The following TTLL10 variants were observed in gnomAD, a reference collection of about 807,000 sequenced individuals.
TTLL10 encodes tubulin tyrosine ligase like 10, also known as inactive polyglycylase TTLL10.
Under a neutral mutation model 69.0 loss-of-function variants are expected in TTLL10, and 61 were observed. The ratio of observed to expected loss-of-function variants is 0.88; its 90% CI spans 0.72 to 1.09. The LOEUF (loss-of-function observed/expected upper bound fraction) is 1.09, where lower values mean the gene tolerates loss of function less well. Ranked by LOEUF, TTLL10 falls within the 50% of genes least tolerant of loss-of-function variation. The pLI, the probability that TTLL10 is intolerant of heterozygous loss-of-function variation, is 0.00. For synonymous variants in TTLL10, 408 were observed against 393.3 expected (o/e 1.04, Z -0.44); for missense variants, 962 against 945.9 (o/e 1.02, Z -0.22).
chr1:1,179,468 C>T, intron 4 of TTLL10, 135 bp downstream of exon 4: 1 of 1,243,046 alleles, frequency 8.0e-7, no homozygotes, highest in Non-Finnish European at 1.1e-6. Context: ...TGCCCCGCTG[C>T]TCCGAGAGAG....
rs773603858 is a variant in TTLL10 at position 1,180,586 on chromosome 1, G to A, written c.610G>A (p.Gly204Ser). The part of the protein sequence containing the change: ...WCEVKSRDSY[G>S]SFREGEQLLY... ...TGAGGTCAAGAGCCGAGACAGCTAC[G>A]GCAGCTTCCGGGAAGGTAGCGGGAG... The change falls in exon 7 of 16, where the codon GGC becomes AGC. Residue 204 changes from glycine (G) to serine (S), a missense_variant. Coordinates refer to ENST00000379289, the MANE Select transcript of TTLL10 (RefSeq NM_001130045.2). The A allele has an allele frequency of 8.4e-6, 13 of 1,551,442 alleles. No individual in the cohort carries two copies. Among genetic ancestry groups the A allele is most frequent in the Admixed American group, 2.0e-5 (1 of 51,084 alleles).
At chr1:1,179,883 C>T (rs1015565848) in intron 5 of TTLL10, 146 bp downstream of exon 5, 19 of 1,438,994 alleles carry the variant, frequency 1.3e-5, no homozygotes, top group Non-Finnish European at 1.4e-5. Context: ...CCTGGTGGGG[C>T]CAGAGCTCGG....
intron 15 of TTLL10, 73 bp from the exon 16 acceptor site, chr1:1,197,365 C>G (rs1648295988): frequency 1.3e-6 from 1 of 796,724 alleles, no homozygotes; most frequent in African/African-American, 1.8e-5. Context: ...GGGTCCCACC[C>G]CTCACACCCT....
chr1:1,189,538 T>A (rs1204972856), intron 13 of TTLL10, among the ~76,000 whole-genome samples: 1 of 152,222 alleles, frequency 6.6e-6, no homozygotes, highest in Admixed American at 6.5e-5. Flanking sequence ...TTATAAGCAA[T>A]ACTGGTCTGT....
rs781004642 is a variant in TTLL10, at chr1:1,183,012, G to A, written c.1053G>A (p.Thr351=). 35 of 1,609,386 alleles carry A rather than the reference G, an allele frequency of 2.2e-5. No homozygotes were observed. The highest frequency in any genetic ancestry group is 8.9e-5 in the East Asian group (4 of 44,724). The stretch of plus-strand genomic sequence containing the variant: ...AGGACGACCCCATCCACCACAAGAC[G>A]CCGTTCCGGGGGCCTCAGGCGCGGG... ...SMEDDPIHHK[T]PFRGPQARVV... Residue 351 remains threonine, a synonymous_variant, in exon 11 of 16, where the codon ACG becomes ACA. Coordinates refer to ENST00000379289, the MANE Select transcript of TTLL10 (RefSeq NM_001130045.2).
Position 1,185,202 on chromosome 1 carries a change from C to A in TTLL10, c.1401+93C>A. 6.5e-7 allele frequency: 1 copy of A among 1,547,112 alleles called. No individual in the cohort carries two copies. Among genetic ancestry groups the A allele is most frequent in the South Asian group, 1.2e-5 (1 of 82,322 alleles). On this transcript the variant is annotated intron_variant, in intron 13 of 15. Coordinates refer to ENST00000379289, the MANE Select transcript of TTLL10 (RefSeq NM_001130045.2). The surrounding 1 kb of genome is among the most constrained non-coding windows in gnomAD (Gnocchi z 6.1). ...GCACCAGGCACACAGATGTCCGTGG[C>A]GTGCGTGGGCGGCTGCGCTGAAGTG...
At chr1:1,183,865 G>A in intron 11 of TTLL10, 55 bp from the exon 12 acceptor site, 1 of 1,605,600 alleles carries the variant, frequency 6.2e-7, no homozygotes, top group Non-Finnish European at 8.5e-7. Context: ...GTGAGGGGAT[G>A]CAGGCCAGGC....
Position 1,179,325 on chromosome 1 carries a change from G to A in TTLL10, c.110G>A (p.Arg37Gln), listed in dbSNP as rs1360855275. The change falls in exon 4 of 16, where the codon CGA becomes CAA. Residue 37 changes from arginine to glutamine, a missense_variant. By Grantham distance (43) the Arg-to-Gln change is conservative. Coordinates refer to ENST00000379289, the MANE Select transcript of TTLL10 (RefSeq NM_001130045.2). The stretch of plus-strand genomic sequence containing the variant: ...AGGATCCAGCAGAGGCCTCGGGCTC[G>A]AGTCTCAGGTGAATAGAGCAGCCCT... ...RPRIQQRPRA[R>Q]VSGTIPASRL... The A allele has an allele frequency of 1.7e-5, 27 of 1,551,070 alleles. No individual in the cohort carries two copies. The highest frequency in any genetic ancestry group is 9.6e-5 in the African/African-American group (7 of 73,056).
rs748777928 is a variant in TTLL10, at chr1:1,183,054, C to G, written c.1088+7C>G. ...AGGCGCGGGTGGTGCAGAGGTGCGG[C>G]GGCGGGTGCCCGGAGGGGTGAGGGT... On this transcript the variant is annotated splice_region_variant and intron_variant, in intron 11 of 15. Coordinates refer to ENST00000379289, the MANE Select transcript of TTLL10 (RefSeq NM_001130045.2). 3 of 1,589,104 alleles carry G rather than the reference C, an allele frequency of 1.9e-6. No homozygotes were observed. The highest frequency in any genetic ancestry group is 2.7e-5 in the African/African-American group (2 of 74,082).
intron 11 of TTLL10, 98 bp from the exon 12 acceptor site, chr1:1,183,822 C>T (rs1163646794): frequency 2.8e-5 from 41 of 1,478,296 alleles, no homozygotes; most frequent in Middle Eastern, 1.8e-4. Context: ...AGAGGCGGGG[C>T]GCTGAGGAAA....
chr1:1,196,726 T>A lies in TTLL10; in HGVS notation c.1518+10T>A. 1 of 1,536,436 alleles carries A rather than the reference T, an allele frequency of 6.5e-7. No individual in the cohort carries two copies. The highest frequency in any genetic ancestry group is 8.8e-7 in the Non-Finnish European group (1 of 1,132,846). ...TGATGACAACTTCAAGGTGCTGTCC[T>A]GGGCGGCGGGGGGCACAGTAGACAG... is the stretch of plus-strand genomic sequence containing the variant. On this transcript the variant is annotated intron_variant, in intron 14 of 15. Coordinates refer to ENST00000379289, the MANE Select transcript of TTLL10 (RefSeq NM_001130045.2).
Position 1,197,509 on chromosome 1 carries a change from T to G in TTLL10, c.1684T>G (p.Phe562Val). The change falls in exon 16 of 16, where the codon TTC becomes GTC. Residue 562 changes from phenylalanine (F) to valine (V), a missense_variant. Coordinates refer to ENST00000379289, the MANE Select transcript of TTLL10 (RefSeq NM_001130045.2). The part of the protein sequence containing the change: ...KMLPLLSQRR[F>V]VLLHNGEADP... ...GTTGCCTCTGCTGTCCCAGCGCCGC[T>G]TCGTGCTCCTGCACAACGGTGAGGC... The G allele has an allele frequency of 6.5e-7, 1 of 1,541,570 alleles. No individual in the cohort carries two copies. The highest frequency in any genetic ancestry group is 8.7e-7 in the Non-Finnish European group (1 of 1,145,184).
intron 3 of TTLL10, among the ~76,000 whole-genome samples, chr1:1,177,850 G>A (rs1646922899): frequency 6.6e-6 from 1 of 152,214 alleles, no homozygotes; most frequent in Non-Finnish European, 1.5e-5. Context: ...CCTGTTCTGG[G>A]TGGGGAGGGG....
intron 13 of TTLL10, among the ~76,000 whole-genome samples, chr1:1,189,084 CAT>C (rs1647555810): frequency 6.6e-6 from 1 of 152,148 alleles, no homozygotes; most frequent in African/African-American, 2.4e-5. Context: ...AGGATCATGT[CAT>C]CTGGAATAGA....
intron 9 of TTLL10, among the ~76,000 whole-genome samples, chr1:1,182,048 A>G (rs920789543): frequency 1.3e-5 from 2 of 152,144 alleles, no homozygotes; most frequent in African/African-American, 4.8e-5. Flanking sequence ...CCGTGAGGAC[A>G]CTGCCATGAG....
chr1:1,194,247 G>A (rs762580923), intron 13 of TTLL10, among the ~76,000 whole-genome samples: 1 of 152,152 alleles, frequency 6.6e-6, no homozygotes, highest in Non-Finnish European at 1.5e-5. Context: ...GCTCCTAAAA[G>A]TATACAAAAA....
rs780439581 is a variant in TTLL10, at chr1:1,180,069, G to A, written c.235G>A (p.Glu79Lys). 6.3e-7 allele frequency: 1 copy of A among 1,597,814 alleles called. No individual in the cohort carries two copies. Among genetic ancestry groups the A allele is most frequent in the Non-Finnish European group, 8.5e-7 (1 of 1,171,666 alleles). ...AHERPMGSSQEEGLRCQPSQP... is the reference protein window; with the variant it reads ...AHERPMGSSQKEGLRCQPSQP... Reference sequence around the variant, plus strand: ...CGAGAGGCCAATGGGGAGCAGCCAGGAGGAGGGACTCCGGTGTCAGCCAAG... The same window carrying A: ...CGAGAGGCCAATGGGGAGCAGCCAGAAGGAGGGACTCCGGTGTCAGCCAAG... Residue 79 changes from glutamate (E) to lysine (K), a missense_variant, in exon 6 of 16, where the codon GAG (glutamate) becomes AAG (lysine). By Grantham distance (56) the Glu-to-Lys change is moderately conservative. Coordinates refer to ENST00000379289, the MANE Select transcript of TTLL10 (RefSeq NM_001130045.2).
chr1:1,187,815 G>T (rs182404734), intron 13 of TTLL10, among the ~76,000 whole-genome samples: 12 of 151,496 alleles, frequency 7.9e-5, no homozygotes, highest in Non-Finnish European at 1.5e-4. Flanking sequence ...TGAGGCAAGC[G>T]AATCACTTGA....
chr1:1,196,889 G>C (rs1451484476), intron 14 of TTLL10, among the ~76,000 whole-genome samples, 173 bp downstream of exon 14: 3 of 152,104 alleles, frequency 2.0e-5, no homozygotes, highest in Admixed American at 1.3e-4. Flanking sequence ...TGTGCAGCTA[G>C]GATGGAACTG....
Sources: gnomAD v4.1 joint callset for allele counts (sites outside exome capture counted in the v4.1 genomes callset) on GRCh38, gnomAD v4.1.1 for gene constraint, Gnocchi (gnomAD v3.1) non-coding constraint, MANE v1.5 for transcripts, NCBI Gene and HGNC (gene_info 2026-07-23, HGNC 2026-07-21) for gene names.